Variants in TCF23 observed in about 807,000 individuals in gnomAD.
TCF23 encodes transcription factor 23.
A neutral mutation model predicts 13.0 loss-of-function variants in TCF23; 7 were observed. That is an observed-to-expected ratio of 0.54 (90% CI 0.31 to 1.01). The LOEUF (loss-of-function observed/expected upper bound fraction) is 1.01, where lower values mean the gene tolerates loss of function less well. Ranked by LOEUF, TCF23 falls within the 50% of genes least tolerant of loss-of-function variation. The pLI, the probability that TCF23 is intolerant of heterozygous loss-of-function variation, is 0.06. For missense variants in TCF23, 257 were observed against 289.8 expected (o/e 0.89, Z 0.82); for synonymous variants, 122 against 119.5 (o/e 1.02, Z -0.14).
rs4508557 is a variant in TCF23 at position 27,153,536 on chromosome 2, G to C, written c.*669G>C. ...TTTTCTTTTCTTTTCTTTTCTTTTC[G>C]TTTCTTCTTCTTTTTATGTAGAGAT... is the stretch of plus-strand genomic sequence containing the variant. On this transcript the variant is annotated 3_prime_UTR_variant, in exon 3 of 3. Transcript: ENST00000296096. 1 of 28,976 alleles carries C rather than the reference G, an allele frequency of 3.5e-5. No individual in the cohort carries two copies. Among genetic ancestry groups the C allele is most frequent in the Non-Finnish European group, 1.0e-4 (1 of 10,010 alleles). The allele number at this position is 28,976 out of a possible 1,614,324, so 1.8% of individuals were successfully genotyped here. A position where few individuals can be genotyped will look rare whatever the true frequency, so the allele number is the denominator to read the frequency against.
intron 2 of TCF23, among the ~76,000 whole-genome samples, chr2:27,151,772 A>AC (rs1558488011): frequency 6.6e-6 from 1 of 151,476 alleles, no homozygotes; most frequent in East Asian, 1.9e-4. Context: ...AGTAGCTGGG[A>AC]CTACAGCCTT....
rs1250283705 is a variant in TCF23 at position 27,150,361 on chromosome 2, T to A, written c.461T>A (p.Leu154His). The A allele has an allele frequency of 5.0e-6, 8 of 1,611,404 alleles. 1 individual carries two copies. The South Asian group carries it at 8.8e-5, about 18-fold the overall frequency. ...FLRGLRYLHPLKKWPMRSRLY... is the reference protein window; with the variant it reads ...FLRGLRYLHPHKKWPMRSRLY... ...CGTGGACTCCGCTACTTGCACCCTC[T>A]CAAGGTAAGTCACAAGCCCTGGGAC... Residue 154 changes from leucine (L) to histidine (H), a missense_variant, in exon 2 of 3, where the codon CTC (leucine) becomes CAC (histidine). Coordinates refer to ENST00000296096, the MANE Select transcript of TCF23 (RefSeq NM_175769.3). This position sits in a 1 kb window ranked among gnomAD's most constrained non-coding sequence, Gnocchi z 4.1.
Position 27,151,272 on chromosome 2 carries a change from C to T in TCF23, c.465+907C>T, listed in dbSNP as rs1572359214. Among the ~76,000 whole-genome samples the T allele has an allele frequency of 2.0e-5, 3 of 152,246 alleles. No homozygotes were observed. In the Middle Eastern group the frequency reaches 0.01, roughly 518 times the overall value. On this transcript the variant is annotated intron_variant, in intron 2 of 2. Transcript: ENST00000296096. Reference sequence around the variant, plus strand: ...CACTGTGTTAAAAAGGAAGGGTCATCTTTGCCCTCTGAGGATAACATTGCA... The same window carrying T: ...CACTGTGTTAAAAAGGAAGGGTCATTTTTGCCCTCTGAGGATAACATTGCA...
Position 27,150,801 on chromosome 2 carries a change from C to G in TCF23, c.465+436C>G, listed in dbSNP as rs1672750748. 6.6e-6 allele frequency among the ~76,000 whole-genome samples: 1 copy of G among 152,126 alleles called. No individual in the cohort carries two copies. The highest frequency in any genetic ancestry group is 1.5e-5 in the Non-Finnish European group (1 of 68,030). On this transcript the variant is annotated intron_variant, in intron 2 of 2. Transcript: ENST00000296096. This position sits in a 1 kb window ranked among gnomAD's most constrained non-coding sequence, Gnocchi z 4.1. ...GTCTGTCCTCCAGGAGAACAACGGTCTGAGGGACCGTCATTCTAGAAGCAA... is the reference window on the plus strand; with the variant it reads ...GTCTGTCCTCCAGGAGAACAACGGTGTGAGGGACCGTCATTCTAGAAGCAA...
chr2:27,155,619 T>A lies in TCF23; in HGVS notation c.*2752T>A, dbSNP rs1672825418. On this transcript the variant is annotated 3_prime_UTR_variant, in exon 3 of 3. Transcript: ENST00000296096. ...CAGATGTCGTAGTGGGCACCTGTAA[T>A]CCTAGCTACTTGGGAGGCTGAGGCA... The A allele has an allele frequency of 6.6e-6, 1 of 152,052 alleles. No homozygotes were observed. Among genetic ancestry groups the A allele is most frequent in the African/African-American group, 2.4e-5 (1 of 41,340 alleles). The allele number at this position is 152,052 out of a possible 1,614,324, so 9.4% of individuals were successfully genotyped here.
chr2:27,153,491 G>C lies in TCF23; in HGVS notation c.*624G>C, dbSNP rs572197870. ...ACCACTACATTTTCTCTCCCTCTCG[G>C]CTCCTGCACTCTTCCACTCTTTTCT... On this transcript the variant is annotated 3_prime_UTR_variant, in exon 3 of 3. Transcript: ENST00000296096. 1 of 121,006 alleles carries C rather than the reference G, an allele frequency of 8.3e-6. No individual in the cohort carries two copies. The highest frequency in any genetic ancestry group is 2.8e-5 in the African/African-American group (1 of 35,522). 7.5% of individuals were successfully genotyped at this position (121,006 alleles called of 1,614,324 possible). A position where few individuals can be genotyped will look rare whatever the true frequency, so the allele number is the denominator to read the frequency against.
chr2:27,149,111 G>T lies in TCF23; in HGVS notation c.-23G>T. On this transcript the variant is annotated 5_prime_UTR_variant, in exon 1 of 3. Coordinates refer to ENST00000296096, the MANE Select transcript of TCF23 (RefSeq NM_175769.3). ...TCAGGCACTGTGTTTCTGCTCTGTGGGCTGCAGCCCCAGTGGGGTGGCATG... is the reference window on the plus strand; with the variant it reads ...TCAGGCACTGTGTTTCTGCTCTGTGTGCTGCAGCCCCAGTGGGGTGGCATG... 3 of 1,547,232 alleles carry T rather than the reference G, an allele frequency of 1.9e-6. No homozygotes were observed. The highest frequency in any genetic ancestry group is 1.2e-5 in the South Asian group (1 of 83,852).
At position 27,150,469 on chromosome 2, in the gene TCF23, G is replaced by A; in HGVS notation, c.465+104G>A. On this transcript the variant is annotated intron_variant, in intron 2 of 2. Transcript: ENST00000296096. This position sits in a 1 kb window ranked among gnomAD's most constrained non-coding sequence, Gnocchi z 4.1. ...ACATTGGACTTGGGCCCCCTGCCCT[G>A]TGCAGAACTGACGTCGGAGCCAATT... The A allele has an allele frequency of 6.5e-7, 1 of 1,531,436 alleles. No individual in the cohort carries two copies. The highest frequency in any genetic ancestry group is 1.3e-5 in the South Asian group (1 of 79,400). The allele number at this position is 1,531,436 out of a possible 1,614,324, so 94.9% of individuals were successfully genotyped here. A position where few individuals can be genotyped will look rare whatever the true frequency, so the allele number is the denominator to read the frequency against.
At position 27,149,254 on chromosome 2, in the gene TCF23, A is replaced by T; in HGVS notation, c.121A>T (p.Arg41Trp). ...DRKRSRLSRT[R>W]QDPWEERSWS... ...GAAGAGGAGCCGCCTCAGCAGGACAAGGCAGGACCCGTGGGAAGAAAGAAG... is the reference window on the plus strand; with the variant it reads ...GAAGAGGAGCCGCCTCAGCAGGACATGGCAGGACCCGTGGGAAGAAAGAAG... The change falls in exon 1 of 3, where the codon AGG becomes TGG. Residue 41 changes from arginine to tryptophan, a missense_variant. Coordinates refer to ENST00000296096, the MANE Select transcript of TCF23 (RefSeq NM_175769.3). The T allele has an allele frequency of 6.3e-7, 1 of 1,586,172 alleles. No individual in the cohort carries two copies. Among genetic ancestry groups the T allele is most frequent in the Non-Finnish European group, 8.6e-7 (1 of 1,166,376 alleles).
chr2:27,152,625 G>A, intron 2 of TCF23, 63 bp from the exon 3 acceptor site: 1 of 1,567,002 alleles, frequency 6.4e-7, no homozygotes, highest in Non-Finnish European at 8.7e-7. Context: ...TGGGTGTCAA[G>A]GATCCTGGAC....
chr2:27,151,370 T>A (rs1297380461), intron 2 of TCF23, among the ~76,000 whole-genome samples: 1 of 152,206 alleles, frequency 6.6e-6, no homozygotes, highest in African/African-American at 2.4e-5. Context: ...AGTTTCACTC[T>A]GTCGCCCAGG....
chr2:27,153,213 A>C lies in TCF23; in HGVS notation c.*346A>C. 2 of 199,808 alleles carry C rather than the reference A, an allele frequency of 1.0e-5. No individual in the cohort carries two copies. Among genetic ancestry groups the C allele is most frequent in the Non-Finnish European group, 9.6e-6 (1 of 104,014 alleles). The allele number at this position is 199,808 out of a possible 1,614,324, so 12.4% of individuals were successfully genotyped here. On this transcript the variant is annotated 3_prime_UTR_variant, in exon 3 of 3. Coordinates refer to ENST00000296096, the MANE Select transcript of TCF23 (RefSeq NM_175769.3). Reference sequence around the variant, plus strand: ...CTACAAACCCTCTGCAGATAGCAAAAAGGCAGGTGCAGAGGGAGGGGCCTG... The same window carrying C: ...CTACAAACCCTCTGCAGATAGCAAACAGGCAGGTGCAGAGGGAGGGGCCTG...
chr2:27,153,076 G>A lies in TCF23; in HGVS notation c.*209G>A, dbSNP rs1672785085. On this transcript the variant is annotated 3_prime_UTR_variant, in exon 3 of 3. Transcript: ENST00000296096. Reference sequence around the variant, plus strand: ...AGCCTCCTCCTTGGTCCCCAGGAGGGGACTTCCCCATGGCTCTTCTGTGAC... The same window carrying A: ...AGCCTCCTCCTTGGTCCCCAGGAGGAGACTTCCCCATGGCTCTTCTGTGAC... 1.7e-6 allele frequency: 2 copies of A among 1,209,612 alleles called. No individual in the cohort carries two copies. Among genetic ancestry groups the A allele is most frequent in the Non-Finnish European group, 2.2e-6 (2 of 928,232 alleles). 74.9% of individuals were successfully genotyped at this position (1,209,612 alleles called of 1,614,324 possible).
At chr2:27,149,619 C>G in intron 1 of TCF23, 1 of 637,664 alleles carries the variant, frequency 1.6e-6, no homozygotes, top group South Asian at 1.5e-5. Flanking sequence ...GTGAATTTCC[C>G]AAGGTCACTG....
rs971946968 is a variant in TCF23, at chr2:27,152,999, G to A, written c.*132G>A. 2.7e-6 allele frequency: 4 copies of A among 1,506,464 alleles called. No individual in the cohort carries two copies. Among genetic ancestry groups the A allele is most frequent in the Non-Finnish European group, 3.5e-6 (4 of 1,131,408 alleles). The allele number at this position is 1,506,464 out of a possible 1,614,324, so 93.3% of individuals were successfully genotyped here. On this transcript the variant is annotated 3_prime_UTR_variant, in exon 3 of 3. Coordinates refer to ENST00000296096, the MANE Select transcript of TCF23 (RefSeq NM_175769.3). ...CCAAGTTCCAGCATGCAGACCAAGAGAAGCAGTAGCACTTCTGTGATGGAC... is the reference window on the plus strand; with the variant it reads ...CCAAGTTCCAGCATGCAGACCAAGAAAAGCAGTAGCACTTCTGTGATGGAC...
rs1303063592 is a variant in TCF23, at chr2:27,150,822, A to G, written c.465+457A>G. On this transcript the variant is annotated intron_variant, in intron 2 of 2. Transcript: ENST00000296096. This position sits in a 1 kb window ranked among gnomAD's most constrained non-coding sequence, Gnocchi z 4.1. ...CGGTCTGAGGGACCGTCATTCTAGA[A>G]GCAACCAAGCTGGGGGAGTTAGCAG... 6.6e-6 allele frequency among the ~76,000 whole-genome samples: 1 copy of G among 152,142 alleles called. No individual in the cohort carries two copies. The highest frequency in any genetic ancestry group is 1.5e-5 in the Non-Finnish European group (1 of 68,006).
rs1391208457 is a variant in TCF23 at position 27,152,755 on chromosome 2, C to T, written c.533C>T (p.Ala178Val). The T allele has an allele frequency of 1.2e-6, 2 of 1,614,140 alleles. No homozygotes were observed. Among genetic ancestry groups the T allele is most frequent in the Admixed American group, 1.7e-5 (1 of 60,022 alleles). ...TACTCCGATCTTGACTCCACCACAGCCAGCACCCCCAGCCAAAGAACAAGA... is the reference window on the plus strand; with the variant it reads ...TACTCCGATCTTGACTCCACCACAGTCAGCACCCCCAGCCAAAGAACAAGA... ...LGYSDLDSTT[A>V]STPSQRTRDA... is the part of the protein sequence containing the mutation. The change falls in exon 3 of 3, where the codon GCC becomes GTC. Residue 178 changes from alanine to valine, a missense_variant. Coordinates refer to ENST00000296096, the MANE Select transcript of TCF23 (RefSeq NM_175769.3).
Position 27,150,339 on chromosome 2 carries a change from G to T in TCF23, c.439G>T (p.Gly147Ter), listed in dbSNP as rs756231299. 2.5e-6 allele frequency: 4 copies of T among 1,613,510 alleles called. No individual in the cohort carries two copies. The South Asian group carries it at 3.3e-5, about 13-fold the overall frequency. The change falls in exon 2 of 3, where the codon GGA becomes TGA. Residue 147 changes from glycine to a stop codon, truncating the protein, a stop_gained. Coordinates refer to ENST00000296096, the MANE Select transcript of TCF23 (RefSeq NM_175769.3). LOFTEE classifies it low-confidence loss of function (END_TRUNC). This position sits in a 1 kb window ranked among gnomAD's most constrained non-coding sequence, Gnocchi z 4.1. ...PGPAWPPFLR[G>*]LRYLHPLKKW... ...CCCTGCCTGGCCGCCCTTCCTGCGT[G>T]GACTCCGCTACTTGCACCCTCTCAA...
chr2:27,150,302 C>T lies in TCF23; in HGVS notation c.402C>T (p.His134=), dbSNP rs1403139518. ...CCCACCTCACCCGCACACTCGGCCA[C>T]GAGTTGCCTGGCCCTGCCTGGCCGC... The part of the protein sequence containing the change: ...YIAHLTRTLG[H]ELPGPAWPPF... The change falls in exon 2 of 3, where the codon CAC becomes CAT. Residue 134 remains histidine, a synonymous_variant. Transcript: ENST00000296096. This position sits in a 1 kb window ranked among gnomAD's most constrained non-coding sequence, Gnocchi z 4.1. The T allele has an allele frequency of 4.3e-6, 7 of 1,613,678 alleles. No individual in the cohort carries two copies. Among genetic ancestry groups the T allele is most frequent in the Middle Eastern group, 1.6e-4 (1 of 6,068 alleles).
Sources: gnomAD v4.1 joint callset for allele counts (sites outside exome capture counted in the v4.1 genomes callset) on GRCh38, gnomAD v4.1.1 for gene constraint, Gnocchi (gnomAD v3.1) non-coding constraint, MANE v1.5 for transcripts, NCBI Gene and HGNC (gene_info 2026-07-23, HGNC 2026-07-21) for gene names.